The following WIPI2 variants were observed in gnomAD, a reference collection of about 807,000 sequenced individuals.
WIPI2 encodes the protein WD repeat domain phosphoinositide-interacting protein 2.
WIPI2 carries 28 observed loss-of-function variants against 52.3 expected under a neutral mutation model. The observed-to-expected ratio is 0.54, with a 90% CI of 0.40 to 0.73. WIPI2 has a LOEUF of 0.73. Ranked by LOEUF, WIPI2 falls within the 30% of genes least tolerant of loss-of-function variation. The pLI is 0.00. For missense variants in WIPI2, 506 were observed against 602.9 expected (o/e 0.84, Z 1.68); for synonymous variants, 268 against 245.0 (o/e 1.09, Z -0.88).
rs574662117 is a variant in WIPI2 at position 5,227,426 on chromosome 7, C to T, written c.1013+82C>T. The stretch of plus-strand genomic sequence containing the variant: ...AGTCCTGGCGGCTTGTGGCCCCTTC[C>T]GTGCTTCTGAACAGGAGCAGCTTCT... On this transcript the variant is annotated intron_variant, in intron 10 of 12. Coordinates refer to ENST00000288828, the MANE Select transcript of WIPI2 (RefSeq NM_015610.4). This position sits in a 1 kb window ranked among gnomAD's most constrained non-coding sequence, Gnocchi z 8.1. 13 of 1,538,766 alleles carry T rather than the reference C, an allele frequency of 8.4e-6. No individual in the cohort carries two copies. The highest frequency in any genetic ancestry group is 7.2e-5 in the South Asian group (6 of 83,214).
At chr7:5,229,567 C>T (rs751391457) in intron 11 of WIPI2, 41 bp from the exon 12 acceptor site, 1 of 1,598,752 alleles carries the variant, frequency 6.3e-7, no homozygotes, top group African/African-American at 1.3e-5. Flanking sequence ...CAGGGCTGCC[C>T]TGTGTGGAGA....
chr7:5,199,234 G>A (rs1475715925), intron 2 of WIPI2, among the ~76,000 whole-genome samples: 1 of 152,102 alleles, frequency 6.6e-6, no homozygotes, highest in African/African-American at 2.4e-5. Context: ...TAGAGATGGA[G>A]TGTCAGTATT....
chr7:5,200,337 A>G (rs1781960350), intron 3 of WIPI2, among the ~76,000 whole-genome samples: 1 of 152,184 alleles, frequency 6.6e-6, no homozygotes, highest in Non-Finnish European at 1.5e-5. Context: ...GACCCTTTCC[A>G]CGTGCGTAAT....
rs1783494518 is a variant in WIPI2, at chr7:5,227,467, A to G, written c.1013+123A>G. ...AGCAGCTTCTTAGAGCCGACACTCC[A>G]TCGAGAGTTGTCGGGGATGGGAGGT... On this transcript the variant is annotated intron_variant, in intron 10 of 12. Coordinates refer to ENST00000288828, the MANE Select transcript of WIPI2 (RefSeq NM_015610.4). This position sits in a 1 kb window ranked among gnomAD's most constrained non-coding sequence, Gnocchi z 8.1. The G allele has an allele frequency of 5.9e-6, 8 of 1,349,484 alleles. No homozygotes were observed. In the Admixed American group the frequency reaches 1.0e-4, roughly 17 times the overall value. 83.6% of individuals were successfully genotyped at this position (1,349,484 alleles called of 1,614,324 possible).
At chr7:5,192,232 A>G (rs997473837) in intron 1 of WIPI2, among the ~76,000 whole-genome samples, 15 of 152,234 alleles carry the variant, frequency 9.9e-5, no homozygotes, top group African/African-American at 3.6e-4. Flanking sequence ...ATGTTAATCC[A>G]GATAGGGAAA....
intron 3 of WIPI2, 35 bp downstream of exon 3, chr7:5,199,693 A>C: frequency 1.2e-5 from 18 of 1,553,114 alleles, no homozygotes; most frequent in Non-Finnish European, 1.5e-5. Flanking sequence ...CTTCTTAAAA[A>C]AAAAAAAAAA....
chr7:5,193,017 T>C, intron 1 of WIPI2, 101 bp from the exon 2 acceptor site: 4 of 1,120,676 alleles, frequency 3.6e-6, no homozygotes, highest in Non-Finnish European at 4.0e-6. Context: ...TAATATGATT[T>C]CCAATGTCGT....
rs1783504818 is a variant in WIPI2 at position 5,227,654 on chromosome 7, C to A, written c.1013+310C>A. ...TTTGGGGCCACAGAAACCGCACTTG[C>A]CGAGTCTCAGGCATCCGTCCGGCTC... On this transcript the variant is annotated intron_variant, in intron 10 of 12. Transcript: ENST00000288828. This position sits in a 1 kb window ranked among gnomAD's most constrained non-coding sequence, Gnocchi z 8.1. 1.3e-5 allele frequency among the ~76,000 whole-genome samples: 2 copies of A among 152,190 alleles called. No individual in the cohort carries two copies. The highest frequency in any genetic ancestry group is 2.9e-5 in the Non-Finnish European group (2 of 68,040).
In WIPI2 at chr7:5,230,226, G is replaced by A. The variant is rs758022401; in HGVS notation, c.1252+488G>A. Reference sequence around the variant, plus strand: ...CAGTCTTTTCCCTCCCACCTTTTTCGTCCTTCAGCAAATCTGCATCGAGTA... The same window carrying A: ...CAGTCTTTTCCCTCCCACCTTTTTCATCCTTCAGCAAATCTGCATCGAGTA... On this transcript the variant is annotated intron_variant, in intron 12 of 12. Coordinates refer to ENST00000288828, the MANE Select transcript of WIPI2 (RefSeq NM_015610.4). The surrounding 1 kb of genome is among the most constrained non-coding windows in gnomAD (Gnocchi z 4.8). Among the ~76,000 whole-genome samples the A allele has an allele frequency of 7.9e-5, 12 of 152,050 alleles. No homozygotes were observed. Among genetic ancestry groups the A allele is most frequent in the Non-Finnish European group, 1.0e-4 (7 of 67,978 alleles).
At chr7:5,220,751 C>T (rs1457347023) in intron 7 of WIPI2, among the ~76,000 whole-genome samples, 4 of 151,990 alleles carry the variant, frequency 2.6e-5, no homozygotes, top group African/African-American at 4.8e-5. Flanking sequence ...GCTGGGATTA[C>T]AGGCATGAGT....
Position 5,207,768 on chromosome 7 carries a change from C to CTTT in WIPI2, c.212-6748_212-6746dup, listed in dbSNP as rs35296190. ...TCTGATTGCTCTATGTCCTCACTAACTTTTTTTTTTTTTTTTTTTTTGAGA... is the reference window on the plus strand; with the variant it reads ...TCTGATTGCTCTATGTCCTCACTAACTTTTTTTTTTTTTTTTTTTTTTTTGAGA... On this transcript the variant is annotated intron_variant, in intron 3 of 12. Transcript: ENST00000288828. 1.0e-2 allele frequency among the ~76,000 whole-genome samples: 1,067 copies of CTTT among 107,176 alleles called. 42 individuals are homozygous for CTTT. Among genetic ancestry groups the CTTT allele is most frequent in the African/African-American group, 0.015 (418 of 28,054 alleles). The allele number at this position is 107,176 out of a possible 152,430, so 70.3% of individuals were successfully genotyped here.
chr7:5,191,714 A>G lies in WIPI2; in HGVS notation c.74+1221A>G, dbSNP rs1447638790. 3.3e-5 allele frequency among the ~76,000 whole-genome samples: 5 copies of G among 152,290 alleles called. No homozygotes were observed. The East Asian group carries it at 9.6e-4, about 29-fold the overall frequency. ...GGAGTGGGGCATTTGGCATCTTACT[A>G]AGTCATTGGTTGAGTTGTTACTGGC... On this transcript the variant is annotated intron_variant, in intron 1 of 12. Transcript: ENST00000288828.
chr7:5,226,244 G>T, intron 9 of WIPI2: 2 of 321,542 alleles, frequency 6.2e-6, no homozygotes, highest in Non-Finnish European at 1.2e-5. Flanking sequence ...CGACAAAAGC[G>T]TTTGTGATCA....
intron 7 of WIPI2, 195 bp downstream of exon 7, chr7:5,218,209 C>T (rs1283607961): frequency 2.0e-5 from 11 of 555,456 alleles, no homozygotes; most frequent in Admixed American, 9.6e-5. Flanking sequence ...GCCACTGGGA[C>T]GGGAGAGCTG....
At chr7:5,198,126 A>G (rs770665067) in intron 2 of WIPI2, among the ~76,000 whole-genome samples, 1 of 152,126 alleles carries the variant, frequency 6.6e-6, no homozygotes, top group Non-Finnish European at 1.5e-5. Context: ...TTGTAAGCCA[A>G]CGACGGGGCC....
rs193264224 is a variant in WIPI2 at position 5,217,030 on chromosome 7, C to T, written c.479-60C>T. 1.1e-3 allele frequency: 1,664 copies of T among 1,483,100 alleles called. 13 individuals carry two copies. In the African/African-American group the frequency reaches 0.021, roughly 18 times the overall value. The allele number at this position is 1,483,100 out of a possible 1,614,324, so 91.9% of individuals were successfully genotyped here. On this transcript the variant is annotated intron_variant, in intron 5 of 12. Transcript: ENST00000288828. ...TAAATGAATGCTGAATTATGTCTGA[C>T]ATCCAAGAAGGAACTCTCAGGTGGA...
At chr7:5,203,883 A>G (rs1311395467) in intron 3 of WIPI2, among the ~76,000 whole-genome samples, 2 of 151,934 alleles carry the variant, frequency 1.3e-5, no homozygotes, top group African/African-American at 4.8e-5. Context: ...TCAGCCTCCC[A>G]AAGTGCTGGG....
chr7:5,194,172 G>T (rs1258956171), intron 2 of WIPI2, among the ~76,000 whole-genome samples: 1 of 151,926 alleles, frequency 6.6e-6, no homozygotes, highest in East Asian at 1.9e-4. Flanking sequence ...ATACTGATGA[G>T]TTGGAAAGGC....
chr7:5,203,768 A>G (rs1782152385), intron 3 of WIPI2, among the ~76,000 whole-genome samples: 1 of 148,370 alleles, frequency 6.7e-6, no homozygotes, highest in Non-Finnish European at 1.5e-5. Context: ...GAGTAGCGCC[A>G]CCATGCCCGG....
Sources: gnomAD v4.1 joint callset for allele counts (sites outside exome capture counted in the v4.1 genomes callset) on GRCh38, gnomAD v4.1.1 for gene constraint, Gnocchi (gnomAD v3.1) non-coding constraint, MANE v1.5 for transcripts, NCBI Gene and HGNC (gene_info 2026-07-23, HGNC 2026-07-21) for gene names.